PCDHA1: variants seen among roughly 807,000 people sequenced by gnomAD.
The protein encoded by PCDHA1 is protocadherin alpha 1, also known as protocadherin alpha-1.
A neutral mutation model predicts 61.3 loss-of-function variants in PCDHA1; 42 were observed. That is an observed-to-expected ratio of 0.69 (90% confidence interval 0.54 to 0.89). PCDHA1 has a LOEUF of 0.89. Among genes scored for constraint, PCDHA1 ranks in the 40% least tolerant of loss-of-function variants. The pLI is 0.00. For synonymous variants in PCDHA1, 610 were observed against 553.8 expected (o/e 1.10, Z -1.43); for missense variants, 1,256 against 1,235.3 (o/e 1.02, Z -0.25).
intron 1 of PCDHA1, chr5:140,805,725 C>T (rs1379153167): frequency 2.1e-6 from 1 of 468,292 alleles, no homozygotes; most frequent in Non-Finnish European, 2.8e-6. Context: ...AAGCTAAAAC[C>T]CAAGTTTTCA....
intron 3 of PCDHA1, among the ~76,000 whole-genome samples, chr5:140,985,909 T>C (rs1421545707): frequency 6.6e-6 from 1 of 151,912 alleles, no homozygotes; most frequent in Non-Finnish European, 1.5e-5. Flanking sequence ...CCGTCTAATT[T>C]TTTGTATTTT....
chr5:140,891,667 A>T (rs2153435107), intron 1 of PCDHA1, among the ~76,000 whole-genome samples: 1 of 152,286 alleles, frequency 6.6e-6, no homozygotes, highest in African/African-American at 2.4e-5. Flanking sequence ...CCCACCTTAA[A>T]GTTTAATAAT....
intron 3 of PCDHA1, among the ~76,000 whole-genome samples, chr5:141,003,690 T>C (rs1441506131): frequency 2.0e-5 from 3 of 152,232 alleles, no homozygotes; most frequent in African/African-American, 7.2e-5. Flanking sequence ...TTTTAAAATA[T>C]ATCCCTACCA....
At chr5:140,964,566 G>A (rs2095840528) in intron 1 of PCDHA1, among the ~76,000 whole-genome samples, 1 of 152,168 alleles carries the variant, frequency 6.6e-6, no homozygotes, top group Non-Finnish European at 1.5e-5. Context: ...GGGCTGGGAG[G>A]AGATAAGGGG....
intron 1 of PCDHA1, among the ~76,000 whole-genome samples, chr5:140,827,368 A>C (rs1554130769): frequency 6.6e-6 from 1 of 152,204 alleles, no homozygotes; most frequent in Non-Finnish European, 1.5e-5. Context: ...TTAAGCAAGA[A>C]TCCTAATATA....
At chr5:140,881,454 C>A in intron 1 of PCDHA1, 1 of 705,924 alleles carries the variant, frequency 1.4e-6, no homozygotes, top group Non-Finnish European at 1.7e-6. Context: ...AATCCAAAAC[C>A]TTAGAGCATT....
rs1246720296 is a variant in PCDHA1, at chr5:140,996,308, AAGGGGGG to A, written c.2543-13314_2543-13308del. 2.6e-5 allele frequency among the ~76,000 whole-genome samples: 4 copies of A among 152,358 alleles called. No individual in the cohort carries two copies. The East Asian group carries it at 5.8e-4, about 22-fold the overall frequency. On this transcript the variant is annotated intron_variant, in intron 3 of 3. Coordinates refer to ENST00000504120, the MANE Select transcript of PCDHA1 (RefSeq NM_018900.4). ...CAAGAAGCACAGATTGTAACAAAGT[AAGGGGGG>A]AGGGTAGAGAAGAAAAGTTTGAAAA... is the stretch of plus-strand genomic sequence containing the variant.
chr5:140,976,691 C>T (rs1219355793), intron 1 of PCDHA1, among the ~76,000 whole-genome samples: 1 of 152,126 alleles, frequency 6.6e-6, no homozygotes, highest in Non-Finnish European at 1.5e-5. Context: ...AATTTAAGTA[C>T]AATAATGTTG....
In PCDHA1 at chr5:140,843,038, AC is replaced by A. The variant is rs1778505968; in HGVS notation, c.2394+54355del. On this transcript the variant is annotated intron_variant, in intron 1 of 3. Coordinates refer to ENST00000504120, the MANE Select transcript of PCDHA1 (RefSeq NM_018900.4). Reference sequence around the variant, plus strand: ...ACTGCTGGAGCCTCGGGTGGGTGGCACTGGTGGCGCAGCGAGCAAGCTGGTG... The same window carrying A: ...ACTGCTGGAGCCTCGGGTGGGTGGCATGGTGGCGCAGCGAGCAAGCTGGTG... 4.4e-6 allele frequency: 7 copies of A among 1,595,166 alleles called. 1 individual carries two copies. The highest frequency in any genetic ancestry group is 6.0e-6 in the Non-Finnish European group (7 of 1,165,358).
intron 1 of PCDHA1, chr5:140,852,261 A>G: frequency 2.0e-6 from 1 of 506,240 alleles, no homozygotes; most frequent in Non-Finnish European, 2.6e-6. Flanking sequence ...GGAATATGCT[A>G]CAATATTACA....
Position 140,788,193 on chromosome 5 carries a change from C to G in PCDHA1, c.1903C>G (p.Arg635Gly). The G allele has an allele frequency of 1.2e-6, 2 of 1,614,064 alleles. No individual in the cohort carries two copies. Among genetic ancestry groups the G allele is most frequent in the Non-Finnish European group, 1.7e-6 (2 of 1,179,938 alleles). The change falls in exon 1 of 4, where the codon CGT becomes GGT. Residue 635 changes from arginine (R) to glycine (G), a missense_variant. Transcript: ENST00000504120. ...GTACACGGGCGAGATCAGCACGACT[C>G]GTGTCCTGGACGAGGCTGACTTGTC... is the stretch of plus-strand genomic sequence containing the variant. ...GLYTGEISTT[R>G]VLDEADLSRY...
chr5:140,838,280 A>AT (rs2150286950), intron 1 of PCDHA1, among the ~76,000 whole-genome samples: 90,280 of 139,474 alleles, frequency 0.65, 30,290 homozygotes, highest in Non-Finnish European at 0.74. Context: ...AGCCATGCTA[A>AT]TTTTTTTTTT....
In PCDHA1 at chr5:140,851,734, A is replaced by G. The variant is rs2042144947; in HGVS notation, c.2394+63050A>G. 4.1e-6 allele frequency: 4 copies of G among 971,568 alleles called. 1 individual carries two copies. In the South Asian group the frequency reaches 1.9e-4, roughly 46 times the overall value. 60.2% of individuals were successfully genotyped at this position (971,568 alleles called of 1,614,324 possible). On this transcript the variant is annotated intron_variant, in intron 1 of 3. Coordinates refer to ENST00000504120, the MANE Select transcript of PCDHA1 (RefSeq NM_018900.4). ...AGATTCGAAACTTCGAGTTCTTTTG[A>G]AATTCAGAGTCTGTAACTTAAAACA...
At chr5:140,844,146 A>G (rs1056681888) in intron 1 of PCDHA1, among the ~76,000 whole-genome samples, 1 of 149,130 alleles carries the variant, frequency 6.7e-6, no homozygotes, top group Non-Finnish European at 1.5e-5. Flanking sequence ...TTGTCTTTAT[A>G]TTTACTTTTA....
At chr5:140,875,253 A>C in intron 1 of PCDHA1, 1 of 1,053,108 alleles carries the variant, frequency 9.5e-7, no homozygotes, top group Non-Finnish European at 1.3e-6. Flanking sequence ...AATCAGTCAC[A>C]TGATGTCGCT....
chr5:140,857,262 CAT>C, intron 1 of PCDHA1: 1 of 1,598,710 alleles, frequency 6.3e-7, no homozygotes, highest in Non-Finnish European at 8.6e-7. Flanking sequence ...AATTACTACT[CAT>C]TGGTGCTGGA....
chr5:140,813,905 G>C (rs2126650686), intron 1 of PCDHA1: 1 of 152,418 alleles, frequency 6.6e-6, no homozygotes, highest in African/African-American at 2.4e-5. Context: ...AGGCTGAAGT[G>C]GGAGGATCCT....
intron 1 of PCDHA1, among the ~76,000 whole-genome samples, chr5:140,978,316 A>AC (rs1370469532): frequency 5.4e-4 from 83 of 152,358 alleles, no homozygotes; most frequent in African/African-American, 1.9e-3. Context: ...AGGAGCAGGA[A>AC]CAAGTACAAG....
intron 3 of PCDHA1, among the ~76,000 whole-genome samples, chr5:140,990,256 A>G (rs2153888367): frequency 6.6e-6 from 1 of 152,332 alleles, no homozygotes; most frequent in Middle Eastern, 3.4e-3. Flanking sequence ...TCTGCTGGAT[A>G]CCAAACAATG....
Sources: gnomAD v4.1 joint callset for allele counts (sites outside exome capture counted in the v4.1 genomes callset) on GRCh38, gnomAD v4.1.1 for gene constraint, MANE v1.5 for transcripts, NCBI Gene and HGNC (gene_info 2026-07-23, HGNC 2026-07-21) for gene names.